RSRP1: variants seen among roughly 807,000 people sequenced by gnomAD.
RSRP1 encodes arginine and serine rich protein 1.
In RSRP1, 37 loss-of-function variants were observed where a neutral mutation model predicts 33.0. The ratio of observed to expected loss-of-function variants is 1.12; its 90% CI spans 0.86 to 1.48. The LOEUF (loss-of-function observed/expected upper bound fraction) is 1.48. Among genes scored for constraint, RSRP1 ranks in the 40% most tolerant of loss-of-function variants. The pLI is 0.00. For synonymous variants in RSRP1, 167 were observed against 158.7 expected (o/e 1.05, Z -0.40); for missense variants, 402 against 385.3 (o/e 1.04, Z -0.36).
chr1:25,279,484 C>G (rs1641293474), intron 1 of RSRP1, among the ~76,000 whole-genome samples: 1 of 123,150 alleles, frequency 8.1e-6, no homozygotes, highest in Admixed American at 7.8e-5. Context: ...ATGGTTAAAC[C>G]TAGGTAGGTA....
rs756771686 is a variant in RSRP1, at chr1:25,328,850, C to CAGT, written c.-67+9125_-67+9127dup. 133 of 934,198 alleles carry CAGT rather than the reference C, an allele frequency of 1.4e-4. 17 individuals are homozygous for CAGT. In the African/African-American group the frequency reaches 2.1e-3, roughly 15 times the overall value. The allele number at this position is 934,198 out of a possible 1,614,324, so 57.9% of individuals were successfully genotyped here. A position where few individuals can be genotyped will look rare whatever the true frequency, so the allele number is the denominator to read the frequency against. On this transcript the variant is annotated intron_variant, in intron 1 of 1. Coordinates refer to the RSRP1 transcript ENST00000561867. ...CTGTTTCAAGAGATCAAGCCAAAAT[C>CAGT]AGTATGTGGGTTCATCTGCAATAAA... is the stretch of plus-strand genomic sequence containing the variant.
At chr1:25,249,017 C>T (rs958203862), upstream of RSRP1, among the ~76,000 whole-genome samples, 2 of 152,066 alleles carry the variant, frequency 1.3e-5, no homozygotes, top group Admixed American at 6.6e-5. Flanking sequence ...GACATGGTGG[C>T]GGGCGCCTGT....
chr1:25,266,001 TTAA>T (rs111659022), intron 1 of RSRP1: 792 of 96,526 alleles, frequency 8.2e-3, no homozygotes, highest in African/African-American at 0.024. Flanking sequence ...TGGATGTCAG[TTAA>T]TAATAATGTA....
chr1:25,315,742 C>G (rs1199704542), intron 1 of RSRP1, among the ~76,000 whole-genome samples: 1 of 129,856 alleles, frequency 7.7e-6, no homozygotes, highest in Non-Finnish European at 1.8e-5. Flanking sequence ...ATGATCTGCC[C>G]GCCTCGGCCT....
chr1:25,281,747 C>CTAA (rs1200602121), intron 1 of RSRP1, among the ~76,000 whole-genome samples: 1 of 131,342 alleles, frequency 7.6e-6, no homozygotes, highest in Non-Finnish European at 1.8e-5. Flanking sequence ...TGAATCCTTC[C>CTAA]TAATGCCCAC....
At chr1:25,276,662 C>T (rs1466843762) in intron 1 of RSRP1, among the ~76,000 whole-genome samples, 3 of 128,730 alleles carry the variant, frequency 2.3e-5, no homozygotes, top group Admixed American at 1.5e-4. Context: ...TGCAGTGGGA[C>T]GGGATTGTAC....
rs647674 is a variant in RSRP1 at position 25,293,161 on chromosome 1, T to C, written c.-67+44817A>G. 4.8e-4 allele frequency among the ~76,000 whole-genome samples: 63 copies of C among 131,200 alleles called. 14 individuals are homozygous for C. The highest frequency in any genetic ancestry group is 9.8e-4 in the East Asian group (5 of 5,102). The allele number at this position is 131,200 out of a possible 152,430, so 86.1% of individuals were successfully genotyped here. ...AGTGGAGACAGCATGCAGGGGCAGC[T>C]CTGCCAAGGACTTTGCTATAAAGGG... is the stretch of plus-strand genomic sequence containing the variant. On this transcript the variant is annotated intron_variant, in intron 1 of 1. Coordinates refer to the RSRP1 transcript ENST00000561867.
rs778010642 is a variant in RSRP1 at position 25,329,156 on chromosome 1, T to C, written c.-67+8822A>G. ...CAATAAAATACAGCCATGTACCACA[T>C]AACAACATCTTGGTAAACAACAGAC... On this transcript the variant is annotated intron_variant, in intron 1 of 1. Coordinates refer to the RSRP1 transcript ENST00000561867. 3.9e-5 allele frequency: 39 copies of C among 1,002,026 alleles called. 7 individuals carry two copies. The South Asian group carries it at 5.4e-4, about 14-fold the overall frequency. The allele number at this position is 1,002,026 out of a possible 1,614,324, so 62.1% of individuals were successfully genotyped here.
intron 1 of RSRP1, among the ~76,000 whole-genome samples, chr1:25,275,161 G>A (rs1372841620): frequency 7.6e-6 from 1 of 131,622 alleles, no homozygotes; most frequent in African/African-American, 2.6e-5. Flanking sequence ...GTGGTGGCAC[G>A]TGCCTGTAGT....
rs1644328993 is a variant in RSRP1 at position 25,314,477 on chromosome 1, T to A, written c.-67+23501A>T. 2.3e-5 allele frequency among the ~76,000 whole-genome samples: 3 copies of A among 132,432 alleles called. 1 individual carries two copies. The highest frequency in any genetic ancestry group is 5.4e-5 in the Non-Finnish European group (3 of 55,844). 86.9% of individuals were successfully genotyped at this position (132,432 alleles called of 152,430 possible). A position where few individuals can be genotyped will look rare whatever the true frequency, so the allele number is the denominator to read the frequency against. ...ACGTATCCTGGATATGAATCCCACT[T>A]TGTGCGTTACCTTTTTCCTTCTTTC... On this transcript the variant is annotated intron_variant, in intron 1 of 1. Coordinates refer to the RSRP1 transcript ENST00000561867.
chr1:25,297,089 A>T lies in RSRP1; in HGVS notation c.-67+40889T>A, dbSNP rs1425273744. Among the ~76,000 whole-genome samples the T allele has an allele frequency of 2.4e-5, 3 of 124,844 alleles. 1 individual carries two copies. The highest frequency in any genetic ancestry group is 5.6e-5 in the Non-Finnish European group (3 of 53,436). The allele number at this position is 124,844 out of a possible 152,430, so 81.9% of individuals were successfully genotyped here. A position where few individuals can be genotyped will look rare whatever the true frequency, so the allele number is the denominator to read the frequency against. ...AAATATATATTTTTTGTGGTCGAGG[A>T]TTACATCTTGCATTTAGTTCTCATG... On this transcript the variant is annotated intron_variant, in intron 1 of 1. Transcript: ENST00000561867.
In RSRP1 at chr1:25,323,006, ATCTGCCGGACACAAACG is replaced by A. The variant is rs1178931724; in HGVS notation, c.-67+14955_-67+14971del. Among the ~76,000 whole-genome samples the A allele has an allele frequency of 3.1e-4, 17 of 54,298 alleles. 1 individual carries two copies. Among genetic ancestry groups the A allele is most frequent in the African/African-American group, 9.5e-4 (17 of 17,856 alleles). 35.6% of individuals were successfully genotyped at this position (54,298 alleles called of 152,430 possible). ...GACAGGTGCGGGGGCTCTGGGTGCT[ATCTGCCGGACACAAACG>A]CAGGGGCACTAGAGTACTATCACCC... is the stretch of plus-strand genomic sequence containing the variant. On this transcript the variant is annotated intron_variant, in intron 1 of 1. Transcript: ENST00000561867.
At chr1:25,328,939 G>C (rs1330027226) in intron 1 of RSRP1, 4 of 1,319,510 alleles carry the variant, frequency 3.0e-6, no homozygotes, top group Non-Finnish European at 4.3e-6. Flanking sequence ...AAGCATCCAA[G>C]AAAAACAAGG....
rs1642122420 is a variant in RSRP1 at position 25,287,404 on chromosome 1, C to T, written c.-66-40375G>A. Among the ~76,000 whole-genome samples the T allele has an allele frequency of 3.7e-5, 5 of 135,426 alleles. 1 individual carries two copies. The highest frequency in any genetic ancestry group is 3.5e-4 in the Admixed American group (5 of 14,098). The allele number at this position is 135,426 out of a possible 152,430, so 88.8% of individuals were successfully genotyped here. Reference sequence around the variant, plus strand: ...TCACTCGCAGCCTGAGTGAACTCCCCTGCCCCACCCCTGACTGCTTGGATC... The same window carrying T: ...TCACTCGCAGCCTGAGTGAACTCCCTTGCCCCACCCCTGACTGCTTGGATC... On this transcript the variant is annotated intron_variant, in intron 1 of 1. Transcript: ENST00000561867.
chr1:25,302,039 TCCC>T (rs1040731537), intron 1 of RSRP1, among the ~76,000 whole-genome samples: 1 of 129,068 alleles, frequency 7.7e-6, no homozygotes, highest in South Asian at 2.4e-4. Flanking sequence ...GCCTCTCTCT[TCCC>T]CCCAACAAAT....
In RSRP1 at chr1:25,330,058, C is replaced by G. The variant is rs1246866007; in HGVS notation, c.-67+7920G>C. 2 of 132,696 alleles carry G rather than the reference C, an allele frequency of 1.5e-5. 1 individual carries two copies. Among genetic ancestry groups the G allele is most frequent in the Non-Finnish European group, 3.6e-5 (2 of 55,984 alleles). The allele number at this position is 132,696 out of a possible 1,614,324, so 8.2% of individuals were successfully genotyped here. ...GCTTCCATTGAGACCAAGGGGAGAA[C>G]CTGGTTGCAGGACAAACAGACGGAC... On this transcript the variant is annotated intron_variant, in intron 1 of 1. Transcript: ENST00000561867.
At chr1:25,250,052 T>C (rs1045042547), upstream of RSRP1, among the ~76,000 whole-genome samples, 3 of 152,250 alleles carry the variant, frequency 2.0e-5, 1 homozygote, top group South Asian at 6.2e-4. Flanking sequence ...AAGAAGGGGC[T>C]AGATTTTCTT....
intron 1 of RSRP1, among the ~76,000 whole-genome samples, chr1:25,281,035 T>C (rs1367002006): frequency 7.6e-6 from 1 of 131,918 alleles, no homozygotes; most frequent in African/African-American, 2.6e-5. Context: ...TTAGAGAGTA[T>C]CAAGTCCAAC....
chr1:25,284,410 G>C (rs1239986407), intron 1 of RSRP1, among the ~76,000 whole-genome samples: 3 of 135,402 alleles, frequency 2.2e-5, no homozygotes, highest in Admixed American at 2.1e-4. Context: ...CCATTATTCA[G>C]TTGAGAACAT....
Sources: allele counts gnomAD v4.1 joint callset (sites outside exome capture counted in the v4.1 genomes callset), GRCh38; gene constraint gnomAD v4.1.1; transcripts MANE v1.5; gene names NCBI Gene and HGNC (gene_info 2026-07-23, HGNC 2026-07-21).